The following STX16 variants were observed in gnomAD, a reference collection of about 807,000 sequenced individuals.
STX16 encodes the protein syntaxin-16.
In STX16, 28 loss-of-function variants were observed where a neutral mutation model predicts 42.7. That is an observed-to-expected ratio of 0.66 (90% CI 0.49 to 0.90). The LOEUF (loss-of-function observed/expected upper bound fraction) is 0.90. Ranked by LOEUF, STX16 falls within the 40% of genes least tolerant of loss-of-function variation. STX16 has a pLI of 0.00. For missense variants in STX16, 361 were observed against 420.9 expected, an observed-to-expected ratio of 0.86 and a Z score of 1.24; for synonymous variants, 156 against 155.2, an observed-to-expected ratio of 1.00 and a Z score of -0.04.
Position 58,657,783 on chromosome 20 carries a change from A to G in STX16, c.133-1840A>G, listed in dbSNP as rs1251775568. Reference sequence around the variant, plus strand: ...AATTTTGAAAGCCTTCTATTTTTAAATAGCAGAATGGTGGGGAGGGTCTTT... The same window carrying G: ...AATTTTGAAAGCCTTCTATTTTTAAGTAGCAGAATGGTGGGGAGGGTCTTT... On this transcript the variant is annotated intron_variant, in intron 1 of 8. Transcript: ENST00000371141. The surrounding 1 kb of genome is among the most constrained non-coding windows in gnomAD (Gnocchi z 4.2). Among the ~76,000 whole-genome samples, 1 of 152,200 alleles carries G rather than the reference A, an allele frequency of 6.6e-6. No individual in the cohort carries two copies. The highest frequency in any genetic ancestry group is 1.5e-5 in the Non-Finnish European group (1 of 68,032).
chr20:58,676,212 G>A lies in STX16; in HGVS notation c.899G>A (p.Arg300Gln), dbSNP rs780151862. Residue 300 changes from arginine to glutamine, a missense_variant, in exon 9 of 9, where the codon CGG becomes CAG. Physicochemically the swap from Arg to Gln is conservative, Grantham distance 43. Coordinates refer to ENST00000371141, the MANE Select transcript of STX16 (RefSeq NM_001001433.3). ...HKAEQYQKKN[R>Q]KMLVILILFV... is the part of the protein sequence containing the mutation. ...GCAGAACAGTATCAAAAGAAGAATC[G>A]GAAGATGCTTGTGATTTTAATATTA... 41 of 1,613,978 alleles carry A rather than the reference G, an allele frequency of 2.5e-5. No homozygotes were observed. The highest frequency in any genetic ancestry group is 3.1e-5 in the Non-Finnish European group (37 of 1,179,986).
In STX16 at chr20:58,652,098, A is replaced by G. The variant is rs2122876540; in HGVS notation, c.92A>G (p.His31Arg). ...CTGTTAGCCGAGCAAGTGAGTAGTC[A>G]CATCACCTCCAGCCCTCTGCATTCA... ...RQLLAEQVSS[H>R]ITSSPLHSRS... The change falls in exon 1 of 9, where the codon CAC becomes CGC. Residue 31 changes from histidine (H) to arginine (R), a missense_variant. By Grantham distance (29) the His-to-Arg change is conservative. Coordinates refer to ENST00000371141, the MANE Select transcript of STX16 (RefSeq NM_001001433.3). 1 of 1,614,196 alleles carries G rather than the reference A, an allele frequency of 6.2e-7. No homozygotes were observed. The highest frequency in any genetic ancestry group is 1.1e-5 in the South Asian group (1 of 91,072).
intron 2 of STX16, among the ~76,000 whole-genome samples, chr20:58,666,423 G>GTTTTTTTTTTTTT (rs5842238): frequency 1.3e-5 from 1 of 79,730 alleles, no homozygotes; most frequent in Non-Finnish European, 2.4e-5. Context: ...GTGTGTGTGT[G>GTTTTTTTTTTTTT]TTTTTTTTTT....
intron 1 of STX16, among the ~76,000 whole-genome samples, chr20:58,652,565 C>T (rs1176726678): frequency 6.7e-6 from 1 of 149,898 alleles, no homozygotes; most frequent in Non-Finnish European, 1.5e-5. Flanking sequence ...ATCGTAGACC[C>T]AAATCCTTGC....
chr20:58,657,603 T>C lies in STX16; in HGVS notation c.133-2020T>C, dbSNP rs569364200. Among the ~76,000 whole-genome samples, 5 of 152,324 alleles carry C rather than the reference T, an allele frequency of 3.3e-5. 1 individual carries two copies. In the East Asian group the frequency reaches 9.6e-4, roughly 29 times the overall value. On this transcript the variant is annotated intron_variant, in intron 1 of 8. Transcript: ENST00000371141. The surrounding 1 kb of genome is among the most constrained non-coding windows in gnomAD (Gnocchi z 4.2). ...TGCTTGATTGCATGCCATTGGAAGG[T>C]CAAAAACCTAGATTTAGACATTATA...
Position 58,676,077 on chromosome 20 carries a change from G to C in STX16, c.874-110G>C, listed in dbSNP as rs189687418. 541 of 820,594 alleles carry C rather than the reference G, an allele frequency of 6.6e-4. 4 individuals carry two copies. Among genetic ancestry groups the C allele is most frequent in the Non-Finnish European group, 7.0e-4 (340 of 484,518 alleles). 50.8% of individuals were successfully genotyped at this position (820,594 alleles called of 1,614,324 possible). A position where few individuals can be genotyped will look rare whatever the true frequency, so the allele number is the denominator to read the frequency against. The stretch of plus-strand genomic sequence containing the variant: ...TTACAATCATGTAGCCTGTAGCAGA[G>C]ACCTCAGTCACTGTGCAGAGAGATC... On this transcript the variant is annotated intron_variant, in intron 8 of 8. Transcript: ENST00000371141.
chr20:58,657,909 G>A lies in STX16; in HGVS notation c.133-1714G>A, dbSNP rs2083616110. Among the ~76,000 whole-genome samples, 1 of 152,162 alleles carries A rather than the reference G, an allele frequency of 6.6e-6. No homozygotes were observed. Among genetic ancestry groups the A allele is most frequent in the African/African-American group, 2.4e-5 (1 of 41,434 alleles). ...AAAATTAGAGAGGCTGGAGGGTGGG[G>A]TGGAAAGAGACCTGAACACCTGGGT... On this transcript the variant is annotated intron_variant, in intron 1 of 8. Transcript: ENST00000371141. This position sits in a 1 kb window ranked among gnomAD's most constrained non-coding sequence, Gnocchi z 4.2.
At chr20:58,664,565 T>C (rs2083771985) in intron 2 of STX16, among the ~76,000 whole-genome samples, 1 of 152,246 alleles carries the variant, frequency 6.6e-6, no homozygotes, top group Admixed American at 6.5e-5. Flanking sequence ...ATTAGCAAGC[T>C]TCCTTAGGAC....
intron 2 of STX16, among the ~76,000 whole-genome samples, chr20:58,663,506 T>C (rs903757982): frequency 6.6e-6 from 1 of 152,200 alleles, no homozygotes; most frequent in Admixed American, 6.5e-5. Context: ...TTGGATTTTT[T>C]CTGCATTTCT....
chr20:58,652,239 A>C, intron 1 of STX16, 101 bp downstream of exon 1: 2 of 1,483,422 alleles, frequency 1.3e-6, no homozygotes. Flanking sequence ...AGAGAAGATA[A>C]GAATAATAAG....
chr20:58,665,520 T>G (rs2083802637), intron 2 of STX16, among the ~76,000 whole-genome samples: 1 of 152,190 alleles, frequency 6.6e-6, no homozygotes, highest in Non-Finnish European at 1.5e-5. Flanking sequence ...GACTTAACTT[T>G]TCTGAGTTTC....
chr20:58,654,212 T>C (rs1263915914), intron 1 of STX16, among the ~76,000 whole-genome samples: 1 of 152,202 alleles, frequency 6.6e-6, no homozygotes, highest in Non-Finnish European at 1.5e-5. Context: ...TTTAAAATCT[T>C]TCTCAGATCA....
rs568957016 is a variant in STX16, at chr20:58,667,408, G to A, written c.145-82G>A. 19 of 1,130,044 alleles carry A rather than the reference G, an allele frequency of 1.7e-5. No homozygotes were observed. The East Asian group carries it at 4.1e-4, about 24-fold the overall frequency. The allele number at this position is 1,130,044 out of a possible 1,614,324, so 70.0% of individuals were successfully genotyped here. A position where few individuals can be genotyped will look rare whatever the true frequency, so the allele number is the denominator to read the frequency against. On this transcript the variant is annotated intron_variant, in intron 2 of 8. Coordinates refer to ENST00000371141, the MANE Select transcript of STX16 (RefSeq NM_001001433.3). ...ACTCCTTTCTGTATCTTTTCAGGGA[G>A]TAACATTTAAGAGAGAGTAAGAGTA... is the stretch of plus-strand genomic sequence containing the variant.
At chr20:58,652,535 C>T (rs567340838) in intron 1 of STX16, among the ~76,000 whole-genome samples, 1 of 152,182 alleles carries the variant, frequency 6.6e-6, no homozygotes, top group East Asian at 1.9e-4. Flanking sequence ...TCAGTTTGGT[C>T]CTAAGGGCTG....
Position 58,671,302 on chromosome 20 carries a change from G to A in STX16, c.792+5G>A. The A allele has an allele frequency of 1.2e-6, 2 of 1,602,512 alleles. No individual in the cohort carries two copies. Among genetic ancestry groups the A allele is most frequent in the Non-Finnish European group, 1.7e-6 (2 of 1,172,050 alleles). On this transcript the variant is annotated splice_donor_5th_base_variant and intron_variant, in intron 7 of 8. Coordinates refer to ENST00000371141, the MANE Select transcript of STX16 (RefSeq NM_001001433.3). ...GGGGCGATGATTGTAGAACAGGTAC[G>A]TGAGCTGGCCTTCCTCGTGAATAGG... is the stretch of plus-strand genomic sequence containing the variant.
intron 6 of STX16, 89 bp from the exon 7 acceptor site, chr20:58,671,065 T>C (rs1191125012): frequency 8.0e-7 from 1 of 1,249,122 alleles, no homozygotes; most frequent in Non-Finnish European, 1.1e-6. Context: ...ATTATTTTCA[T>C]TGTCTTTAAA....
Position 58,652,079 on chromosome 20 carries a change from G to T in STX16, c.73G>T (p.Ala25Ser). Residue 25 changes from alanine (A) to serine (S), a missense_variant, in exon 1 of 9, where the codon GCC (alanine) becomes TCC (serine). Physicochemically the swap from Ala to Ser is moderately conservative, Grantham distance 99. Transcript: ENST00000371141. Reference sequence around the variant, plus strand: ...TTCCATCCAAAACCGGCAGCTGTTAGCCGAGCAAGTGAGTAGTCACATCAC... The same window carrying T: ...TTCCATCCAAAACCGGCAGCTGTTATCCGAGCAAGTGAGTAGTCACATCAC... ...NNSIQNRQLL[A>S]EQVSSHITSS... is the part of the protein sequence containing the mutation. 1.2e-6 allele frequency: 2 copies of T among 1,614,226 alleles called. No individual in the cohort carries two copies. The highest frequency in any genetic ancestry group is 1.7e-6 in the Non-Finnish European group (2 of 1,180,034).
intron 8 of STX16, among the ~76,000 whole-genome samples, chr20:58,674,669 AT>A (rs1472407353): frequency 6.6e-6 from 1 of 152,152 alleles, no homozygotes; most frequent in Admixed American, 6.5e-5. Context: ...GTGTAGGTGG[AT>A]ATGAGACTCC....
rs750834308 is a variant in STX16 at position 58,670,570 on chromosome 20, G to T, written c.615G>T (p.Met205Ile). ...QHFFDTSVPL[M>I]DDGDDNTLYH... is the part of the protein sequence containing the mutation. ...TTTTCGACACATCAGTACCACTAAT[G>T]GATGATGGAGACGATAACACTCTTT... is the stretch of plus-strand genomic sequence containing the variant. The change falls in exon 6 of 9, where the codon ATG (methionine) becomes ATT (isoleucine). Residue 205 changes from methionine (M) to isoleucine (I), a missense_variant. Coordinates refer to ENST00000371141, the MANE Select transcript of STX16 (RefSeq NM_001001433.3). 52 of 1,614,020 alleles carry T rather than the reference G, an allele frequency of 3.2e-5. No homozygotes were observed. Among genetic ancestry groups the T allele is most frequent in the Non-Finnish European group, 4.2e-5 (49 of 1,180,014 alleles).
Sources: gnomAD v4.1 joint callset for allele counts (sites outside exome capture counted in the v4.1 genomes callset) on GRCh38, gnomAD v4.1.1 for gene constraint, Gnocchi (gnomAD v3.1) non-coding constraint, MANE v1.5 for transcripts, NCBI Gene and HGNC (gene_info 2026-07-23, HGNC 2026-07-21) for gene names.